The following SGMS1 variants were observed in gnomAD, a reference collection of about 807,000 sequenced individuals.
The protein encoded by SGMS1 is phosphatidylcholine:ceramide cholinephosphotransferase 1.
In SGMS1, 13 loss-of-function variants were observed where a neutral mutation model predicts 46.2. That is an observed-to-expected ratio of 0.28 (90% CI 0.18 to 0.45). The LOEUF is 0.45. Among genes scored for constraint, SGMS1 ranks in the 20% least tolerant of loss-of-function variants. The probability of loss-of-function intolerance (pLI) is 1.00; values close to 1 mark genes in which losing one functional copy is unlikely to be tolerated. For missense variants in SGMS1, 324 were observed against 519.9 expected (o/e 0.62, Z 3.66); for synonymous variants, 203 against 187.8 (o/e 1.08, Z -0.66).
rs1232803196 is a variant in SGMS1 at position 50,582,467 on chromosome 10, CAG to C, written c.-589+7684_-589+7685del. Among the ~76,000 whole-genome samples the C allele has an allele frequency of 2.6e-5, 4 of 152,342 alleles. No individual in the cohort carries two copies. The East Asian group carries it at 7.7e-4, about 29-fold the overall frequency. On this transcript the variant is annotated intron_variant, in intron 2 of 10. Coordinates refer to ENST00000361781, the MANE Select transcript of SGMS1 (RefSeq NM_147156.4). ...GCACTCTGCAGTGGTCCAAACCTCTCAGAGTCAGCAATTCTGTCCTCACACCA... is the reference window on the plus strand; with the variant it reads ...GCACTCTGCAGTGGTCCAAACCTCTCAGTCAGCAATTCTGTCCTCACACCA...
intron 2 of SGMS1, among the ~76,000 whole-genome samples, chr10:50,563,988 A>G (rs889132869): frequency 2.6e-5 from 4 of 152,230 alleles, no homozygotes; most frequent in Non-Finnish European, 5.9e-5. Flanking sequence ...CGCCGCCTAG[A>G]GCCTGTGAGA....
intron 8 of SGMS1, among the ~76,000 whole-genome samples, chr10:50,316,712 G>T (rs181085619): frequency 1.6e-4 from 25 of 152,208 alleles, no homozygotes; most frequent in African/African-American, 6.0e-4. Context: ...ATGCTAAAAA[G>T]GCTGCTGTTA....
intron 2 of SGMS1, among the ~76,000 whole-genome samples, chr10:50,550,283 C>T (rs987692374): frequency 6.6e-6 from 1 of 152,174 alleles, no homozygotes; most frequent in Non-Finnish European, 1.5e-5. Context: ...TGCAAAAATC[C>T]TTGGTAGCAA....
chr10:50,323,560 T>G (rs1000078090), intron 8 of SGMS1, among the ~76,000 whole-genome samples: 1 of 152,226 alleles, frequency 6.6e-6, no homozygotes, highest in Non-Finnish European at 1.5e-5. Context: ...ATATGATGAT[T>G]CACAAATATT....
intron 5 of SGMS1, among the ~76,000 whole-genome samples, chr10:50,445,009 T>C (rs1836990886): frequency 6.6e-6 from 1 of 152,212 alleles, no homozygotes; most frequent in Admixed American, 6.5e-5. Flanking sequence ...CATAATTTAA[T>C]TTTTGAAAAG....
intron 6 of SGMS1, among the ~76,000 whole-genome samples, chr10:50,382,510 T>C (rs768595078): frequency 6.6e-6 from 1 of 151,488 alleles, no homozygotes; most frequent in Non-Finnish European, 1.5e-5. Flanking sequence ...AATAAAAAGC[T>C]ATAAAGACTT....
intron 7 of SGMS1, among the ~76,000 whole-genome samples, chr10:50,331,139 C>T (rs541069903): frequency 1.3e-5 from 2 of 152,302 alleles, no homozygotes; most frequent in South Asian, 4.1e-4. Context: ...CCAACGACCA[C>T]ACTACTAAAA....
intron 1 of SGMS1, among the ~76,000 whole-genome samples, chr10:50,596,977 A>G (rs1838600654): frequency 6.6e-6 from 1 of 152,160 alleles, no homozygotes; most frequent in Non-Finnish European, 1.5e-5. Flanking sequence ...TGGGGTCTTT[A>G]TTTTCTCCAC....
At chr10:50,371,567 T>C (rs1413607614) in intron 6 of SGMS1, among the ~76,000 whole-genome samples, 1 of 152,228 alleles carries the variant, frequency 6.6e-6, no homozygotes, top group South Asian at 2.1e-4. Flanking sequence ...TTCAATTACT[T>C]TGGACTACTT....
chr10:50,414,602 A>G (rs1411458572), intron 6 of SGMS1, among the ~76,000 whole-genome samples: 1 of 152,242 alleles, frequency 6.6e-6, no homozygotes, highest in Non-Finnish European at 1.5e-5. Context: ...CATCTTCAAC[A>G]GCCCTCTAAG....
chr10:50,568,060 G>C (rs1019504133), intron 2 of SGMS1, among the ~76,000 whole-genome samples: 1 of 152,154 alleles, frequency 6.6e-6, no homozygotes, highest in African/African-American at 2.4e-5. Context: ...GGTGGGATAA[G>C]AATTTCACAA....
intron 2 of SGMS1, among the ~76,000 whole-genome samples, chr10:50,527,651 G>A (rs1420113398): frequency 3.3e-5 from 5 of 152,150 alleles, no homozygotes; most frequent in East Asian, 1.9e-4. Context: ...AAAGTGTGGC[G>A]TTTGTGGGTT....
intron 6 of SGMS1, among the ~76,000 whole-genome samples, chr10:50,377,658 G>A (rs1848538858): frequency 6.6e-6 from 1 of 152,028 alleles, no homozygotes; most frequent in Non-Finnish European, 1.5e-5. Flanking sequence ...AGTTTCCTGC[G>A]GCTGCTGTAA....
intron 8 of SGMS1, among the ~76,000 whole-genome samples, chr10:50,325,651 C>T (rs7078238): frequency 0.26 from 39,412 of 152,016 alleles, 5,262 homozygotes; most frequent in East Asian, 0.31. Context: ...CAGCAACTGG[C>T]GGAGCTACAG....
rs184241329 is a variant in SGMS1, at chr10:50,347,357, C to T, written c.-231-3012G>A. Among the ~76,000 whole-genome samples the T allele has an allele frequency of 7.9e-5, 12 of 152,182 alleles. No individual in the cohort carries two copies. In the East Asian group the frequency reaches 1.5e-3, roughly 20 times the overall value. ...GAAAATGGCTGTAAAACAATTTGGA[C>T]GCGCAAGGAGAATAAGATGGGCATT... On this transcript the variant is annotated intron_variant, in intron 6 of 10. Coordinates refer to ENST00000361781, the MANE Select transcript of SGMS1 (RefSeq NM_147156.4).
intron 1 of SGMS1, among the ~76,000 whole-genome samples, chr10:50,615,028 T>C (rs531815475): frequency 1.4e-4 from 22 of 152,366 alleles, no homozygotes; most frequent in African/African-American, 2.2e-4. Flanking sequence ...ACTAGGAATA[T>C]AGCAAAATAA....
chr10:50,398,748 A>G (rs188006179), intron 6 of SGMS1, among the ~76,000 whole-genome samples: 59 of 152,280 alleles, frequency 3.9e-4, no homozygotes, highest in African/African-American at 1.4e-3. Flanking sequence ...AAGTATTACC[A>G]AAGAAGCCTT....
chr10:50,372,790 G>A (rs866456798), intron 6 of SGMS1, among the ~76,000 whole-genome samples: 9 of 152,122 alleles, frequency 5.9e-5, no homozygotes, highest in Admixed American at 2.0e-4. Context: ...GCTCAAGGAG[G>A]AGAAAAAATC....
At chr10:50,442,466 G>C (rs1849558545) in intron 5 of SGMS1, among the ~76,000 whole-genome samples, 1 of 151,830 alleles carries the variant, frequency 6.6e-6, no homozygotes, top group Non-Finnish European at 1.5e-5. Context: ...ACATTAGTTT[G>C]CTAAGAATAA....
Sources: gnomAD v4.1 joint callset for allele counts (sites outside exome capture counted in the v4.1 genomes callset) on GRCh38, gnomAD v4.1.1 for gene constraint, MANE v1.5 for transcripts, NCBI Gene and HGNC (gene_info 2026-07-23, HGNC 2026-07-21) for gene names.